CFAP144: variants seen among roughly 807,000 people sequenced by gnomAD.
The protein encoded by CFAP144 is cilia- and flagella-associated protein 144.
the CFAP144 span, chr1:43,148,101 G>A: frequency 5.6e-6 from 9 of 1,611,236 alleles, no homozygotes; most frequent in Admixed American, 1.5e-4. Context: ...GGCACGGCGG[G>A]GTGGGGGAAG....
At chr1:43,148,689 C>T in the CFAP144 span, among the ~76,000 whole-genome samples, 1 of 152,142 alleles carries the variant, frequency 6.6e-6, no homozygotes, top group East Asian at 1.9e-4. Context: ...CCACCTTCCC[C>T]ACTCTCTGCT....
chr1:43,152,181 C>A, the CFAP144 span, among the ~76,000 whole-genome samples: 1 of 152,202 alleles, frequency 6.6e-6, no homozygotes, highest in Non-Finnish European at 1.5e-5. Flanking sequence ...CTGCGTCTCT[C>A]CGGTGGAGAC....
the CFAP144 span, chr1:43,147,930 G>C: frequency 6.2e-7 from 1 of 1,612,672 alleles, no homozygotes; most frequent in Non-Finnish European, 8.5e-7. Context: ...CCAGGCAAGA[G>C]GGCGCGTGGC....
At chr1:43,153,016 C>T in the CFAP144 span, 2 of 1,501,218 alleles carry the variant, frequency 1.3e-6, no homozygotes, top group Non-Finnish European at 9.0e-7. Context: ...GGGGGCCAGA[C>T]ATGCCTGGGC....
At chr1:43,150,802 C>T in the CFAP144 span, 1 of 1,610,054 alleles carries the variant, frequency 6.2e-7, no homozygotes, top group East Asian at 2.2e-5. Context: ...GCATGATAAC[C>T]TGGAGGAACC....
the CFAP144 span, chr1:43,152,902 C>T: frequency 6.2e-7 from 1 of 1,613,402 alleles, no homozygotes; most frequent in Non-Finnish European, 8.5e-7. Flanking sequence ...GACTGAAAAC[C>T]AGGAAGTTGG....
chr1:43,156,020 G>A, the CFAP144 span, among the ~76,000 whole-genome samples: 1 of 152,178 alleles, frequency 6.6e-6, no homozygotes, highest in Non-Finnish European at 1.5e-5. Context: ...GGAGAACCAC[G>A]ACTGTGCGTA....
the CFAP144 span, among the ~76,000 whole-genome samples, chr1:43,152,102 A>G: frequency 6.6e-6 from 1 of 152,202 alleles, no homozygotes; most frequent in Non-Finnish European, 1.5e-5. Flanking sequence ...AGTGGCCCAG[A>G]GAAGTGATGC....
the CFAP144 span, chr1:43,150,712 G>A: frequency 6.6e-7 from 1 of 1,515,464 alleles, no homozygotes; most frequent in Non-Finnish European, 9.0e-7. Flanking sequence ...AGAGGGCAGG[G>A]AACTCATGTT....
At chr1:43,154,379 T>C in the CFAP144 span, among the ~76,000 whole-genome samples, 1 of 144,950 alleles carries the variant, frequency 6.9e-6, no homozygotes, top group Non-Finnish European at 1.5e-5. Flanking sequence ...CATATATATG[T>C]ACATATACAC....
At chr1:43,147,765 CGGGCGCG>C in the CFAP144 span, 1 of 1,446,370 alleles carries the variant, frequency 6.9e-7, no homozygotes, top group Non-Finnish European at 9.0e-7. Flanking sequence ...TCCCGACCGG[CGGGCGCG>C]GGGCGGGGCG....
chr1:43,148,119 G>A, the CFAP144 span: 2 of 1,600,124 alleles, frequency 1.2e-6, no homozygotes, highest in Non-Finnish European at 1.7e-6. Context: ...AAGGGCGAGA[G>A]CGGGAGGGCG....
the CFAP144 span, chr1:43,147,998 A>G: frequency 1.2e-6 from 2 of 1,614,072 alleles, no homozygotes; most frequent in Non-Finnish European, 1.7e-6. Context: ...GAGGTCCATC[A>G]GAACCAGATC....
the CFAP144 span, chr1:43,153,057 A>C: frequency 8.4e-7 from 1 of 1,192,346 alleles, no homozygotes; most frequent in Admixed American, 2.4e-5. Flanking sequence ...CCAGCTGGAT[A>C]AGTTACTAAG....
chr1:43,148,759 C>A, the CFAP144 span, among the ~76,000 whole-genome samples: 1 of 152,140 alleles, frequency 6.6e-6, no homozygotes, highest in Non-Finnish European at 1.5e-5. Flanking sequence ...TGATCAGAAT[C>A]ATTCACTCTC....
chr1:43,143,761 G>A, the CFAP144 span, among the ~76,000 whole-genome samples: 25 of 152,202 alleles, frequency 1.6e-4, no homozygotes, highest in Admixed American at 9.8e-4. Context: ...AAGATGGTAC[G>A]CTCCAAAAAG....
the CFAP144 span, chr1:43,145,412 T>G: frequency 1.2e-6 from 1 of 811,852 alleles, no homozygotes; most frequent in Admixed American, 2.1e-5. Context: ...TCCTTTGGTC[T>G]GGTTCCTCCC....
At chr1:43,156,374 AT>A in the CFAP144 span, 1 of 1,276,244 alleles carries the variant, frequency 7.8e-7, no homozygotes. Flanking sequence ...GCCCAGAGAA[AT>A]AAAATACTAC....
the CFAP144 span, among the ~76,000 whole-genome samples, chr1:43,147,162 T>G: frequency 6.6e-6 from 1 of 152,188 alleles, no homozygotes; most frequent in African/African-American, 2.4e-5. Flanking sequence ...TAAAATAAAC[T>G]ACATTATTTA....
Sources: allele counts gnomAD v4.1 joint callset (sites outside exome capture counted in the v4.1 genomes callset), GRCh38; gene constraint gnomAD v4.1.1; transcripts MANE v1.5; gene names NCBI Gene and HGNC (gene_info 2026-07-23, HGNC 2026-07-21).